ITFG1: variants seen among roughly 807,000 people sequenced by gnomAD.
ITFG1 encodes the protein T-cell immunomodulatory protein.
ITFG1 carries 34 observed loss-of-function variants against 81.8 expected under a neutral mutation model. The ratio of observed to expected loss-of-function variants is 0.42; its 90% confidence interval spans 0.32 to 0.55. The LOEUF is 0.55. ITFG1 is among the 20% of genes least tolerant of loss of function. ITFG1 has a pLI of 0.17. For missense variants in ITFG1, 672 were observed against 755.4 expected, an observed-to-expected ratio of 0.89 and a Z score of 1.29; for synonymous variants, 285 against 270.6, an observed-to-expected ratio of 1.05 and a Z score of -0.52.
At chr16:47,301,826 T>C (rs1967081398) in intron 10 of ITFG1, among the ~76,000 whole-genome samples, 1 of 152,236 alleles carries the variant, frequency 6.6e-6, no homozygotes, top group Admixed American at 6.5e-5. Flanking sequence ...AACAACCTAT[T>C]CAAAAGTCCT....
chr16:47,163,960 C>T (rs1032255551), intron 14 of ITFG1, among the ~76,000 whole-genome samples: 1 of 151,696 alleles, frequency 6.6e-6, no homozygotes, highest in Non-Finnish European at 1.5e-5. Flanking sequence ...CACATACACA[C>T]ACACACACAC....
Position 47,365,856 on chromosome 16 carries a change from G to T in ITFG1, c.734C>A (p.Ser245Tyr). Residue 245 changes from serine to tyrosine, a missense_variant, in exon 8 of 18, where the codon TCT becomes TAT. Coordinates refer to ENST00000320640, the MANE Select transcript of ITFG1 (RefSeq NM_030790.5). ...EIWENLDGNFSVSTILEKPQN... is the reference protein window; with the variant it reads ...EIWENLDGNFYVSTILEKPQN... The stretch of plus-strand genomic sequence containing the variant: ...AGGTTTTTCCAATATAGTACTGACA[G>T]AGAAGTTTCCATCCTGTTAAATGAA... 6.3e-7 allele frequency: 1 copy of T among 1,586,114 alleles called. No individual in the cohort carries two copies. Among genetic ancestry groups the T allele is most frequent in the Non-Finnish European group, 8.7e-7 (1 of 1,155,714 alleles).
chr16:47,391,314 T>C (rs1304054980), intron 6 of ITFG1, among the ~76,000 whole-genome samples: 1 of 152,196 alleles, frequency 6.6e-6, no homozygotes, highest in Non-Finnish European at 1.5e-5. Flanking sequence ...AGAGAGTCTA[T>C]ATAAAGACAC....
intron 14 of ITFG1, among the ~76,000 whole-genome samples, chr16:47,181,331 C>T (rs371733511): frequency 1.3e-4 from 20 of 151,516 alleles, no homozygotes; most frequent in South Asian, 6.2e-4. Context: ...GCCTGGCAGC[C>T]GCCCCGTCCG....
chr16:47,181,151 G>A (rs1468991964), intron 14 of ITFG1, among the ~76,000 whole-genome samples: 3 of 142,588 alleles, frequency 2.1e-5, no homozygotes, highest in African/African-American at 5.3e-5. Context: ...CTGCCCCACC[G>A]CCCCATCTGG....
At chr16:47,323,550 T>G (rs1322986434) in intron 8 of ITFG1, among the ~76,000 whole-genome samples, 1 of 152,212 alleles carries the variant, frequency 6.6e-6, no homozygotes, top group Non-Finnish European at 1.5e-5. Flanking sequence ...TTCTTTTCTT[T>G]CTAAATTACC....
rs57114470 is a variant in ITFG1, at chr16:47,214,921, AACACACACACACAC to A, written c.1453+3933_1453+3946del. ...ATCCTATGTTATTACCCAGTGTGAAAACACACACACACACACACACACACACACACACACACACA... is the reference window on the plus strand; with the variant it reads ...ATCCTATGTTATTACCCAGTGTGAAAACACACACACACACACACACACACA... On this transcript the variant is annotated intron_variant, in intron 14 of 17. Coordinates refer to ENST00000320640, the MANE Select transcript of ITFG1 (RefSeq NM_030790.5). Among the ~76,000 whole-genome samples, 33 of 145,142 alleles carry A rather than the reference AACACACACACACAC, an allele frequency of 2.3e-4. No individual in the cohort carries two copies. The East Asian group carries it at 4.0e-3, about 18-fold the overall frequency.
chr16:47,296,256 A>T (rs1255654914), intron 10 of ITFG1, among the ~76,000 whole-genome samples: 2 of 149,672 alleles, frequency 1.3e-5, no homozygotes, highest in African/African-American at 4.9e-5. Context: ...TTTTTTTTTT[A>T]ATGTAGGCAT....
At chr16:47,327,552 G>C (rs551616126) in intron 8 of ITFG1, among the ~76,000 whole-genome samples, 204 of 152,192 alleles carry the variant, frequency 1.3e-3, no homozygotes, top group Non-Finnish European at 2.2e-3. Flanking sequence ...TACAAAATGG[G>C]AGAAAATTTT....
At position 47,227,539 on chromosome 16, in the gene ITFG1, A is replaced by T. The variant is rs746238578; in HGVS notation, c.1375-8593T>A. Among the ~76,000 whole-genome samples the T allele has an allele frequency of 2.6e-5, 4 of 152,290 alleles. No individual in the cohort carries two copies. The South Asian group carries it at 8.3e-4, about 32-fold the overall frequency. On this transcript the variant is annotated intron_variant, in intron 13 of 17. Coordinates refer to ENST00000320640, the MANE Select transcript of ITFG1 (RefSeq NM_030790.5). ...GTGTTGTATCATATAGATTCTTTCT[A>T]ACTAACCTGATCTCTTGTGTGCCTA... is the stretch of plus-strand genomic sequence containing the variant.
chr16:47,200,117 G>T (rs1175723225), intron 14 of ITFG1, among the ~76,000 whole-genome samples: 2 of 152,184 alleles, frequency 1.3e-5, no homozygotes, highest in African/African-American at 2.4e-5. Context: ...GGTCCAGGGG[G>T]TTGGGGACCC....
chr16:47,313,277 T>C (rs1180359248), intron 9 of ITFG1, among the ~76,000 whole-genome samples: 2 of 152,194 alleles, frequency 1.3e-5, no homozygotes, highest in African/African-American at 4.8e-5. Flanking sequence ...TTATAACCTA[T>C]CATTCCCATA....
chr16:47,336,973 A>G (rs1402667041), intron 8 of ITFG1, among the ~76,000 whole-genome samples: 1 of 150,600 alleles, frequency 6.6e-6, no homozygotes, highest in Non-Finnish European at 1.5e-5. Context: ...AAAAAAAGAA[A>G]AAAAAAAAAA....
chr16:47,336,630 G>A (rs1019107332), intron 8 of ITFG1, among the ~76,000 whole-genome samples: 2 of 152,102 alleles, frequency 1.3e-5, no homozygotes, highest in South Asian at 2.1e-4. Context: ...GTCATACAAC[G>A]GCATATAAGG....
At chr16:47,359,079 AG>A (rs1180491254) in intron 8 of ITFG1, among the ~76,000 whole-genome samples, 1 of 152,170 alleles carries the variant, frequency 6.6e-6, no homozygotes, top group African/African-American at 2.4e-5. Context: ...GGGATAAGCA[AG>A]GGCAAAGGCC....
At chr16:47,397,725 C>G (rs1288897885) in intron 6 of ITFG1, among the ~76,000 whole-genome samples, 1 of 152,134 alleles carries the variant, frequency 6.6e-6, no homozygotes, top group East Asian at 1.9e-4. Flanking sequence ...GTAGAGGAAG[C>G]AGCAAAGGCA....
chr16:47,434,999 G>A (rs906823195), intron 5 of ITFG1, among the ~76,000 whole-genome samples: 1 of 152,128 alleles, frequency 6.6e-6, no homozygotes, highest in African/African-American at 2.4e-5. Flanking sequence ...CACATAGGGT[G>A]CGGGGAACAG....
At chr16:47,270,607 G>A (rs1966328070) in intron 10 of ITFG1, among the ~76,000 whole-genome samples, 2 of 152,164 alleles carry the variant, frequency 1.3e-5, no homozygotes, top group South Asian at 2.1e-4. Context: ...GTACATGAAT[G>A]TTCACAGCTG....
At chr16:47,366,306 T>C (rs1231190825) in intron 7 of ITFG1, among the ~76,000 whole-genome samples, 2 of 152,208 alleles carry the variant, frequency 1.3e-5, no homozygotes, top group East Asian at 3.8e-4. Flanking sequence ...TTGCAGATTT[T>C]AAGGGAAGAA....
Sources: allele counts gnomAD v4.1 joint callset (sites outside exome capture counted in the v4.1 genomes callset), GRCh38; gene constraint gnomAD v4.1.1; transcripts MANE v1.5; gene names NCBI Gene and HGNC (gene_info 2026-07-23, HGNC 2026-07-21).